Variants in FMNL1 observed in about 807,000 individuals in gnomAD.
The protein encoded by FMNL1 is formin like 1.
In FMNL1, 43 loss-of-function variants were observed where a neutral mutation model predicts 121.3. That is an observed-to-expected ratio of 0.35 (90% CI 0.28 to 0.46). The LOEUF is 0.46. FMNL1 is among the 20% of genes least tolerant of loss of function. The probability of loss-of-function intolerance (pLI) is 1.00; values close to 1 mark genes in which losing one functional copy is unlikely to be tolerated. For missense variants in FMNL1, 1,191 were observed against 1,482.4 expected, an observed-to-expected ratio of 0.80 and a Z score of 3.23; for synonymous variants, 613 against 613.5, an observed-to-expected ratio of 1.00 and a Z score of 0.01.
At position 45,241,869 on chromosome 17, in the gene FMNL1, G is replaced by C. The variant is rs2043705859; in HGVS notation, c.1608G>C (p.Pro536=). The C allele has an allele frequency of 1.4e-6, 2 of 1,436,298 alleles. No homozygotes were observed. The highest frequency in any genetic ancestry group is 1.8e-6 in the Non-Finnish European group (2 of 1,103,748). The allele number at this position is 1,436,298 out of a possible 1,614,324, so 89.0% of individuals were successfully genotyped here. A position where few individuals can be genotyped will look rare whatever the true frequency, so the allele number is the denominator to read the frequency against. Residue 536 remains proline, a synonymous_variant, in exon 15 of 27, where the codon CCG becomes CCC. Coordinates refer to ENST00000331495, the MANE Select transcript of FMNL1 (RefSeq NM_005892.4). This position sits in a 1 kb window ranked among gnomAD's most constrained non-coding sequence, Gnocchi z 7.0. ...CAGATCTCGCACCTGCAGCAGAGCC[G>C]GCTCCCGGAGCAGCGCCACCGCCGC... ...PSPDLAPAAE[P]APGAAPPPPP...
In FMNL1 at chr17:45,245,731, A is replaced by G; in HGVS notation, c.2992A>G (p.Lys998Glu). The change falls in exon 23 of 27, where the codon AAG (lysine) becomes GAG (glutamate). Residue 998 changes from lysine to glutamate, a missense_variant and splice_region_variant. This residue lies in a region of FMNL1 where 367 missense variants were observed against 528.6 expected (regional missense o/e 0.69). Transcript: ENST00000331495. ...SLFSRFIKAY[K>E]KAEQEVEQWK... ...CTTTAGCCGCTTCATTAAGGCCTACAAGGTATTCGGGTCTGGGGCAGGCTG... is the reference window on the plus strand; with the variant it reads ...CTTTAGCCGCTTCATTAAGGCCTACGAGGTATTCGGGTCTGGGGCAGGCTG... 1 of 1,613,946 alleles carries G rather than the reference A, an allele frequency of 6.2e-7. No homozygotes were observed. Among genetic ancestry groups the G allele is most frequent in the Non-Finnish European group, 8.5e-7 (1 of 1,179,922 alleles).
chr17:45,228,256 C>A (rs768141351), intron 1 of FMNL1, among the ~76,000 whole-genome samples: 6 of 152,228 alleles, frequency 3.9e-5, no homozygotes, highest in Non-Finnish European at 7.3e-5. Context: ...TTTCTGATTT[C>A]TGAGCCTAAA....
At position 45,244,830 on chromosome 17, in the gene FMNL1, C is replaced by T. The variant is rs146295159; in HGVS notation, c.2529C>T (p.Ala843=). ...KLRQILEIVL[A]FGNYMNSSKR... Reference sequence around the variant, plus strand: ...CCTGCCTCTCCCAGATTGTCCTGGCCTTTGGCAACTACATGAACAGTAGCA... The same window carrying T: ...CCTGCCTCTCCCAGATTGTCCTGGCTTTTGGCAACTACATGAACAGTAGCA... The change falls in exon 20 of 27, where the codon GCC becomes GCT. Residue 843 remains alanine, a synonymous_variant. Transcript: ENST00000331495. The T allele has an allele frequency of 4.2e-5, 67 of 1,613,152 alleles. No individual in the cohort carries two copies. The highest frequency in any genetic ancestry group is 5.3e-5 in the Non-Finnish European group (63 of 1,179,518).
At position 45,239,040 on chromosome 17, in the gene FMNL1, A is replaced by G. The variant is rs1056201780; in HGVS notation, c.1055A>G (p.His352Arg). Residue 352 changes from histidine to arginine, a missense_variant, in exon 11 of 27, where the codon CAC (histidine) becomes CGC (arginine). Around this residue, in one of 4 missense-constraint regions of FMNL1, gnomAD observed 519 missense variants for 492.8 expected, o/e 1.05. Coordinates refer to ENST00000331495, the MANE Select transcript of FMNL1 (RefSeq NM_005892.4). ...FRVFLQYEFT[H>R]LGLDLYLERL... The stretch of plus-strand genomic sequence containing the variant: ...GTCTTCCTGCAATATGAGTTCACCC[A>G]CTTGGGCCTGGACCTGTACTTGGAG... 3.1e-6 allele frequency: 5 copies of G among 1,614,016 alleles called. No homozygotes were observed. The highest frequency in any genetic ancestry group is 3.4e-6 in the Non-Finnish European group (4 of 1,180,010).
At chr17:45,227,254 A>C (rs2043348757) in intron 1 of FMNL1, among the ~76,000 whole-genome samples, 2 of 152,188 alleles carry the variant, frequency 1.3e-5, no homozygotes, top group Non-Finnish European at 2.9e-5. Flanking sequence ...ACTGAAAGTG[A>C]AACCCTAGGG....
chr17:45,245,819 T>G (rs1374670011), intron 23 of FMNL1, 59 bp from the exon 24 acceptor site: 1 of 1,599,240 alleles, frequency 6.3e-7, no homozygotes, highest in Non-Finnish European at 8.5e-7. Context: ...TGCTTCTGTT[T>G]AGGGGGTGGG....
intron 17 of FMNL1, among the ~76,000 whole-genome samples, 154 bp downstream of exon 17, chr17:45,243,474 GA>G (rs527357245): frequency 5.3e-5 from 8 of 152,166 alleles, no homozygotes; most frequent in Non-Finnish European, 1.2e-4. Flanking sequence ...TTTTAAGGTG[GA>G]GAAAACTCAG....
At chr17:45,234,288 G>A in intron 6 of FMNL1, 88 bp downstream of exon 6, 1 of 1,604,804 alleles carries the variant, frequency 6.2e-7, no homozygotes, top group Non-Finnish European at 8.5e-7. Flanking sequence ...CGGGCCCTTG[G>A]GGTTGGCGAG....
At position 45,247,049 on chromosome 17, in the gene FMNL1, C is replaced by CGGCTGGCCG; in HGVS notation, c.*195_*203dup. 1 of 636,122 alleles carries CGGCTGGCCG rather than the reference C, an allele frequency of 1.6e-6. No homozygotes were observed. Among genetic ancestry groups the CGGCTGGCCG allele is most frequent in the Non-Finnish European group, 2.9e-6 (1 of 345,076 alleles). The allele number at this position is 636,122 out of a possible 1,614,324, so 39.4% of individuals were successfully genotyped here. A position where few individuals can be genotyped will look rare whatever the true frequency, so the allele number is the denominator to read the frequency against. On this transcript the variant is annotated 3_prime_UTR_variant, in exon 27 of 27. Coordinates refer to ENST00000331495, the MANE Select transcript of FMNL1 (RefSeq NM_005892.4). ...GGCTCAAGGAAGGTGGTCCTCAGCTCGGCTGGCCGGGCAGCCCCTCCTCCG... is the reference window on the plus strand; with the variant it reads ...GGCTCAAGGAAGGTGGTCCTCAGCTCGGCTGGCCGGGCTGGCCGGGCAGCCCCTCCTCCG...
In FMNL1 at chr17:45,241,018, G is replaced by A; in HGVS notation, c.1231-111G>A. On this transcript the variant is annotated intron_variant, in intron 12 of 26. Transcript: ENST00000331495. This position sits in a 1 kb window ranked among gnomAD's most constrained non-coding sequence, Gnocchi z 7.0. ...CCACCCTTGGCACCTGGGCTGAGCG[G>A]ATCTGGGAGCCTCCCCCAGTCTTCC... is the stretch of plus-strand genomic sequence containing the variant. 6.5e-6 allele frequency: 9 copies of A among 1,377,120 alleles called. No individual in the cohort carries two copies. Among genetic ancestry groups the A allele is most frequent in the South Asian group, 1.2e-5 (1 of 82,162 alleles). 85.3% of individuals were successfully genotyped at this position (1,377,120 alleles called of 1,614,324 possible). A position where few individuals can be genotyped will look rare whatever the true frequency, so the allele number is the denominator to read the frequency against.
intron 22 of FMNL1, 58 bp from the exon 23 acceptor site, chr17:45,245,574 C>T (rs574083065): frequency 1.9e-6 from 3 of 1,607,814 alleles, no homozygotes; most frequent in African/African-American, 1.3e-5. Flanking sequence ...GGCCAGTGTC[C>T]TGAGGGGTAC....
rs1440130320 is a variant in FMNL1 at position 45,245,043 on chromosome 17, C to G, written c.2663C>G (p.Ala888Gly). The change falls in exon 21 of 27, where the codon GCT becomes GGT. Residue 888 changes from alanine (A) to glycine (G), a missense_variant. Transcript: ENST00000331495. ...CTGCACTACCTGGTGAAGGTCATTG[C>G]TGAGAAGTACCCGCAACTCACAGGC... The part of the protein sequence containing the change: ...TLLHYLVKVI[A>G]EKYPQLTGFH... The G allele has an allele frequency of 3.1e-6, 5 of 1,614,218 alleles. No individual in the cohort carries two copies. Among genetic ancestry groups the G allele is most frequent in the Non-Finnish European group, 3.4e-6 (4 of 1,180,034 alleles).
chr17:45,229,107 G>T (rs994691093), intron 1 of FMNL1, among the ~76,000 whole-genome samples: 3 of 152,236 alleles, frequency 2.0e-5, no homozygotes, highest in African/African-American at 7.2e-5. Flanking sequence ...GAGGGCTGGG[G>T]GAGGGCGGCT....
rs1393288303 is a variant in FMNL1 at position 45,241,889 on chromosome 17, C to T, written c.1628C>T (p.Pro543Leu). The change falls in exon 15 of 27, where the codon CCG (proline) becomes CTG (leucine). Residue 543 changes from proline to leucine, a missense_variant. Physicochemically the swap from Pro to Leu is moderately conservative, Grantham distance 98 (BLOSUM62 -3). Coordinates refer to ENST00000331495, the MANE Select transcript of FMNL1 (RefSeq NM_005892.4). The surrounding 1 kb of genome is among the most constrained non-coding windows in gnomAD (Gnocchi z 7.0). Reference sequence around the variant, plus strand: ...GAGCCGGCTCCCGGAGCAGCGCCACCGCCGCCGCCCCCACTGCCCGGCCTC... The same window carrying T: ...GAGCCGGCTCCCGGAGCAGCGCCACTGCCGCCGCCCCCACTGCCCGGCCTC... Reference protein sequence around the residue: ...AAEPAPGAAPPPPPPLPGLPS... With the variant: ...AAEPAPGAAPLPPPPLPGLPS... 7.0e-7 allele frequency: 1 copy of T among 1,419,512 alleles called. No homozygotes were observed. Among genetic ancestry groups the T allele is most frequent in the Non-Finnish European group, 9.1e-7 (1 of 1,094,776 alleles). 87.9% of individuals were successfully genotyped at this position (1,419,512 alleles called of 1,614,324 possible). A position where few individuals can be genotyped will look rare whatever the true frequency, so the allele number is the denominator to read the frequency against.
rs376676216 is a variant in FMNL1 at position 45,230,343 on chromosome 17, G to A, written c.130-261G>A. On this transcript the variant is annotated intron_variant, in intron 1 of 26. Coordinates refer to ENST00000331495, the MANE Select transcript of FMNL1 (RefSeq NM_005892.4). ...TGCACACCAGGCAGGCCAGGGAGGC[G>A]GTGTGGGGGGTGACACAGCGCAGGC... Among the ~76,000 whole-genome samples the A allele has an allele frequency of 7.9e-5, 12 of 152,310 alleles. No individual in the cohort carries two copies. The East Asian group carries it at 1.2e-3, about 15-fold the overall frequency.
Position 45,233,430 on chromosome 17 carries a change from C to T in FMNL1, c.401+133C>T. ...CTTGTGGACCACCTCCTGGAGGTGT[C>T]CAGGACAGCTTCCCCTCCCCTTCCT... On this transcript the variant is annotated intron_variant, in intron 4 of 26. Coordinates refer to ENST00000331495, the MANE Select transcript of FMNL1 (RefSeq NM_005892.4). This position sits in a 1 kb window ranked among gnomAD's most constrained non-coding sequence, Gnocchi z 4.1. 2 of 1,051,632 alleles carry T rather than the reference C, an allele frequency of 1.9e-6. No individual in the cohort carries two copies. The highest frequency in any genetic ancestry group is 3.2e-5 in the South Asian group (2 of 62,452). 65.1% of individuals were successfully genotyped at this position (1,051,632 alleles called of 1,614,324 possible). A position where few individuals can be genotyped will look rare whatever the true frequency, so the allele number is the denominator to read the frequency against.
chr17:45,228,135 T>A (rs2043366798), intron 1 of FMNL1, among the ~76,000 whole-genome samples: 1 of 152,138 alleles, frequency 6.6e-6, no homozygotes. Context: ...CCACCCCGAG[T>A]GAGTGGCATC....
chr17:45,239,860 ATCT>A (rs2043644037), intron 11 of FMNL1, among the ~76,000 whole-genome samples: 1 of 150,656 alleles, frequency 6.6e-6, no homozygotes, highest in Non-Finnish European at 1.5e-5. Context: ...CAGTGACACG[ATCT>A]TGGCTCACTG....
Position 45,222,039 on chromosome 17 carries a change from C to T in FMNL1, c.-86C>T, listed in dbSNP as rs989047572. ...CCGCCAGCCGCTGCCCCCTCGCCCC[C>T]GCCCGGGCCGGGAGCCTCGTCCCCG... On this transcript the variant is annotated 5_prime_UTR_variant, in exon 1 of 27. Coordinates refer to ENST00000331495, the MANE Select transcript of FMNL1 (RefSeq NM_005892.4). The T allele has an allele frequency of 3.7e-6, 4 of 1,075,638 alleles. No homozygotes were observed. In the African/African-American group the frequency reaches 5.0e-5, roughly 14 times the overall value. 66.6% of individuals were successfully genotyped at this position (1,075,638 alleles called of 1,614,324 possible).
Sources: gnomAD v4.1 joint callset for allele counts (sites outside exome capture counted in the v4.1 genomes callset) on GRCh38, gnomAD v4.1.1 for gene constraint, gnomAD v4.1.1 regional missense constraint, Gnocchi (gnomAD v3.1) non-coding constraint, MANE v1.5 for transcripts, NCBI Gene and HGNC (gene_info 2026-07-23, HGNC 2026-07-21) for gene names.